The following HYDIN variants were observed in gnomAD, a reference collection of about 807,000 sequenced individuals.
HYDIN encodes the protein HYDIN axonemal central pair apparatus protein.
A neutral mutation model predicts 403.9 loss-of-function variants in HYDIN; 132 were observed. That is an observed-to-expected ratio of 0.33 (90% CI 0.28 to 0.38). HYDIN has a LOEUF of 0.38. Ranked by LOEUF, HYDIN falls within the 10% of genes least tolerant of loss-of-function variation. The pLI, the probability that HYDIN is intolerant of heterozygous loss-of-function variation, is 1.00. For missense variants in HYDIN, 2,827 were observed against 5,009.5 expected (o/e 0.56, Z 13.15); for synonymous variants, 1,202 against 1,891.7 (o/e 0.64, Z 9.46).
Position 70,804,523 on chromosome 16 carries a change from A to G in HYDIN, c.*3057T>C, listed in dbSNP as rs2035023916. Among the ~76,000 whole-genome samples, 8 of 152,260 alleles carry G rather than the reference A, an allele frequency of 5.3e-5. No homozygotes were observed. In the South Asian group the frequency reaches 1.7e-3, roughly 32 times the overall value. ...CGGATGAAATCATCAGGATGTGGAA[A>G]CCGCATTCTTTGGTGAATCAGCTTC... On this transcript the variant is annotated 3_prime_UTR_variant, in exon 86 of 86. Coordinates refer to ENST00000393567, the MANE Select transcript of HYDIN (RefSeq NM_001270974.2).
At chr16:70,861,497 T>C (rs904914059) in intron 69 of HYDIN, among the ~76,000 whole-genome samples, 10 of 151,380 alleles carry the variant, frequency 6.6e-5, no homozygotes, top group Non-Finnish European at 1.3e-4. Flanking sequence ...TCAGATGTCA[T>C]TGGGTTAGCT....
chr16:70,881,598 A>T (rs1400658569), intron 60 of HYDIN, among the ~76,000 whole-genome samples: 2 of 104,608 alleles, frequency 1.9e-5, no homozygotes, highest in Non-Finnish European at 3.7e-5. Context: ...ACAGAGCAAG[A>T]CTCCGTCTCA....
chr16:70,808,706 G>C (rs538500320), intron 85 of HYDIN, among the ~76,000 whole-genome samples: 1 of 152,278 alleles, frequency 6.6e-6, no homozygotes, highest in South Asian at 2.1e-4. Context: ...TCTGCCTCTT[G>C]GCTACAGCCA....
At chr16:70,949,225 G>C (rs1448086619) in intron 41 of HYDIN, among the ~76,000 whole-genome samples, 1 of 146,754 alleles carries the variant, frequency 6.8e-6, no homozygotes, top group Non-Finnish European at 1.5e-5. Context: ...AACAAACACC[G>C]CATATTCTCA....
chr16:71,025,894 T>C (rs1329289624), intron 20 of HYDIN, among the ~76,000 whole-genome samples: 1 of 152,158 alleles, frequency 6.6e-6, no homozygotes, highest in Non-Finnish European at 1.5e-5. Context: ...TGGAAAGTTT[T>C]TGTCTTTTTC....
At chr16:71,163,330 G>A (rs1372256761) in intron 5 of HYDIN, among the ~76,000 whole-genome samples, 1 of 151,956 alleles carries the variant, frequency 6.6e-6, no homozygotes, top group Non-Finnish European at 1.5e-5. Flanking sequence ...CACCATGTTA[G>A]CCAGGATGGG....
intron 73 of HYDIN, among the ~76,000 whole-genome samples, chr16:70,853,685 G>C (rs1349298746): frequency 4.2e-5 from 6 of 141,762 alleles, no homozygotes; most frequent in Admixed American, 4.1e-4. Context: ...CAGAGGGTGA[G>C]GAGGTGTTGC....
At chr16:71,184,598 C>T (rs901778479) in intron 3 of HYDIN, among the ~76,000 whole-genome samples, 3 of 152,086 alleles carry the variant, frequency 2.0e-5, no homozygotes, top group Admixed American at 1.3e-4. Flanking sequence ...TTACTCCTAA[C>T]CTGTGTAAAC....
intron 38 of HYDIN, among the ~76,000 whole-genome samples, chr16:70,960,710 T>C (rs2078386619): frequency 6.6e-6 from 1 of 152,258 alleles, no homozygotes; most frequent in Non-Finnish European, 1.5e-5. Flanking sequence ...TTTTTTTTCT[T>C]GAGATGGCAT....
intron 45 of HYDIN, among the ~76,000 whole-genome samples, chr16:70,923,768 C>T (rs1442469691): frequency 1.3e-5 from 2 of 149,036 alleles, no homozygotes; most frequent in East Asian, 3.9e-4. Flanking sequence ...TTGCAGTGAG[C>T]CGAGATCATG....
At chr16:71,217,582 TC>T (rs1371563484) in intron 1 of HYDIN, among the ~76,000 whole-genome samples, 21 of 152,114 alleles carry the variant, frequency 1.4e-4, no homozygotes, top group Non-Finnish European at 2.6e-4. Flanking sequence ...CAAATACAGT[TC>T]CTATGCAGAT....
At chr16:70,967,689 T>C (rs1223995775) in intron 36 of HYDIN, among the ~76,000 whole-genome samples, 18 of 152,300 alleles carry the variant, frequency 1.2e-4, no homozygotes, top group Non-Finnish European at 2.5e-4. Flanking sequence ...GGTTTCACCG[T>C]GTTAGCCAGG....
At position 71,184,929 on chromosome 16, in the gene HYDIN, G is replaced by A. The variant is rs2144664093; in HGVS notation, c.197C>T (p.Thr66Ile). ...GATCTGTGGTCGGCACATCAAACGT[G>A]TTTTTGCCAGTCTCTGCTCGGTGGT... ...SLTTEQRLAK[T>I]RLMCRPQIIE... The change falls in exon 3 of 86, where the codon ACA becomes ATA. Residue 66 changes from threonine to isoleucine, a missense_variant. By Grantham distance (89) the Thr-to-Ile change is moderately conservative (BLOSUM62 -1). Coordinates refer to ENST00000393567, the MANE Select transcript of HYDIN (RefSeq NM_001270974.2). 2 of 1,610,474 alleles carry A rather than the reference G, an allele frequency of 1.2e-6. No homozygotes were observed. The highest frequency in any genetic ancestry group is 1.7e-5 in the Admixed American group (1 of 59,894).
At chr16:71,165,834 G>A (rs1404227471) in intron 5 of HYDIN, among the ~76,000 whole-genome samples, 1 of 150,012 alleles carries the variant, frequency 6.7e-6, no homozygotes, top group African/African-American at 2.5e-5. Flanking sequence ...ATGGCTGTCT[G>A]GGGGAAGTGT....
intron 1 of HYDIN, among the ~76,000 whole-genome samples, chr16:71,188,575 GTTA>G (rs1365335950): frequency 4.6e-5 from 7 of 152,154 alleles, no homozygotes; most frequent in African/African-American, 1.4e-4. Context: ...TGATGTAACA[GTTA>G]TTATTATCTA....
chr16:70,943,400 T>C (rs1004784100), intron 42 of HYDIN, among the ~76,000 whole-genome samples: 3 of 152,210 alleles, frequency 2.0e-5, no homozygotes, highest in African/African-American at 7.2e-5. Context: ...AGTATACATT[T>C]CTAAATATTT....
intron 30 of HYDIN, among the ~76,000 whole-genome samples, chr16:70,976,980 A>G (rs559130612): frequency 1.1e-4 from 16 of 152,188 alleles, no homozygotes; most frequent in African/African-American, 3.1e-4. Context: ...TGGATTCTAG[A>G]GCAGCAAAGC....
chr16:70,809,074 A>G (rs558172285), intron 85 of HYDIN, among the ~76,000 whole-genome samples: 311 of 152,258 alleles, frequency 2.0e-3, no homozygotes, highest in South Asian at 7.1e-3. Context: ...TCTGTTTTTT[A>G]GAATTTTATT....
In HYDIN at chr16:70,872,094, T is replaced by C. The variant is rs559965594; in HGVS notation, c.11034A>G (p.Gln3678=). 8.3e-6 allele frequency: 13 copies of C among 1,569,548 alleles called. No homozygotes were observed. Among genetic ancestry groups the C allele is most frequent in the African/African-American group, 1.4e-5 (1 of 72,268 alleles). Residue 3678 remains glutamine, a synonymous_variant, in exon 65 of 86, where the codon CAA becomes CAG. Transcript: ENST00000393567. Reference sequence around the variant, plus strand: ...GCCATTCAAACCGTATCAAGTTCACTTGGCTGTGATTTGTGACTGTGAAGC... The same window carrying C: ...GCCATTCAAACCGTATCAAGTTCACCTGGCTGTGATTTGTGACTGTGAAGC... ...NASFTVTNHS[Q]VNLIRFEWPV...
Sources: gnomAD v4.1 joint callset for allele counts (sites outside exome capture counted in the v4.1 genomes callset) on GRCh38, gnomAD v4.1.1 for gene constraint, MANE v1.5 for transcripts, NCBI Gene and HGNC (gene_info 2026-07-23, HGNC 2026-07-21) for gene names.